Variants in NSUN4 observed in about 807,000 individuals in gnomAD.
The protein encoded by NSUN4 is NOP2/Sun RNA methyltransferase 4.
NSUN4 carries 31 observed loss-of-function variants against 43.8 expected under a neutral mutation model. The ratio of observed to expected loss-of-function variants is 0.71; its 90% CI spans 0.53 to 0.96. NSUN4 has a LOEUF of 0.96. Ranked by LOEUF, NSUN4 falls within the 40% of genes least tolerant of loss-of-function variation. The probability of loss-of-function intolerance (pLI) is 0.00; values close to 1 mark genes in which losing one functional copy is unlikely to be tolerated. For synonymous variants in NSUN4, 167 were observed against 184.1 expected, an observed-to-expected ratio of 0.91 and a Z score of 0.75; for missense variants, 439 against 475.6, an observed-to-expected ratio of 0.92 and a Z score of 0.72.
chr1:46,370,256 C>T, the NSUN4 span, among the ~76,000 whole-genome samples: 1 of 152,192 alleles, frequency 6.6e-6, no homozygotes, highest in African/African-American at 2.4e-5. Context: ...TTTGAGTATC[C>T]CCAGGGGCAG....
At position 46,361,879 on chromosome 1, in the gene NSUN4, G is replaced by GGTGGTTT; in HGVS notation, c.*35_*36insGGTTTGT. On this transcript the variant is annotated 3_prime_UTR_variant, in exon 6 of 6. Coordinates refer to ENST00000474844, the MANE Select transcript of NSUN4 (RefSeq NM_199044.4). ...CAATCCCTGAAGCAAGAATACAAAG[G>GGTGGTTT]GTATACTCTGTTGGATGCACCAGAA... 3 of 1,583,956 alleles carry GGTGGTTT rather than the reference G, an allele frequency of 1.9e-6. No homozygotes were observed. Among genetic ancestry groups the GGTGGTTT allele is most frequent in the Non-Finnish European group, 2.6e-6 (3 of 1,162,464 alleles).
At chr1:46,347,856 TTTC>T (rs2148375608) in intron 3 of NSUN4, among the ~76,000 whole-genome samples, 1 of 134,504 alleles carries the variant, frequency 7.4e-6, no homozygotes, top group South Asian at 2.6e-4. Flanking sequence ...TCCTTTTGAC[TTTC>T]TTTTTTTTTT....
chr1:46,356,677 C>T (rs547426693), intron 4 of NSUN4, among the ~76,000 whole-genome samples: 8 of 148,622 alleles, frequency 5.4e-5, no homozygotes, highest in African/African-American at 1.7e-4. Context: ...TGGGAGACAG[C>T]GAGATTCCGT....
chr1:46,378,205 T>C, the NSUN4 span, among the ~76,000 whole-genome samples: 1 of 149,728 alleles, frequency 6.7e-6, no homozygotes, highest in Non-Finnish European at 1.5e-5. Flanking sequence ...GCAGAGATTT[T>C]TTTTTTTTTT....
intron 3 of NSUN4, among the ~76,000 whole-genome samples, chr1:46,349,429 C>T (rs1037539712): frequency 3.9e-5 from 6 of 152,200 alleles, no homozygotes; most frequent in African/African-American, 7.2e-5. Flanking sequence ...CGTGAGCCAC[C>T]GCGCCTGGCG....
intron 4 of NSUN4, among the ~76,000 whole-genome samples, chr1:46,357,359 T>A (rs980271457): frequency 6.6e-6 from 1 of 152,204 alleles, no homozygotes; most frequent in Non-Finnish European, 1.5e-5. Context: ...TTTTTGGTAT[T>A]TTTTGTGGAG....
At chr1:46,366,989 G>A (rs1051869973), downstream of NSUN4, among the ~76,000 whole-genome samples, 4 of 152,128 alleles carry the variant, frequency 2.6e-5, no homozygotes, top group South Asian at 8.3e-4. Context: ...ACTGGTAAAA[G>A]CTTTGGCCGT....
At chr1:46,342,058 C>T (rs1272651784) in intron 1 of NSUN4, 3 of 827,204 alleles carry the variant, frequency 3.6e-6, no homozygotes, top group Non-Finnish European at 4.9e-6. Context: ...CATAGGACCC[C>T]GGGAACTTGC....
the NSUN4 span, among the ~76,000 whole-genome samples, chr1:46,380,016 C>T: frequency 1.3e-5 from 2 of 152,154 alleles, no homozygotes; most frequent in Non-Finnish European, 2.9e-5. Context: ...TTCCTTAGAG[C>T]TGGACTGCAT....
chr1:46,384,747 G>A, the NSUN4 span, among the ~76,000 whole-genome samples: 1 of 152,102 alleles, frequency 6.6e-6, no homozygotes, highest in Non-Finnish European at 1.5e-5. Context: ...CCTTTCCGCT[G>A]TATCAAAAGC....
At chr1:46,360,245 AAAAAATATATATAT>A (rs1363798326) in intron 4 of NSUN4, among the ~76,000 whole-genome samples, 4 of 45,610 alleles carry the variant, frequency 8.8e-5, no homozygotes, top group Non-Finnish European at 1.5e-4. Context: ...AAAAAAAAAA[AAAAAATATATATAT>A]ATATATATAT....
intron 3 of NSUN4, among the ~76,000 whole-genome samples, chr1:46,347,622 A>C (rs1328312285): frequency 6.6e-6 from 1 of 152,208 alleles, no homozygotes; most frequent in Non-Finnish European, 1.5e-5. Context: ...TCAGTTGATC[A>C]CATGATACAC....
At chr1:46,353,270 T>G (rs538539610) in intron 4 of NSUN4, among the ~76,000 whole-genome samples, 3 of 152,250 alleles carry the variant, frequency 2.0e-5, no homozygotes, top group African/African-American at 7.2e-5. Flanking sequence ...AGGGGAAAAA[T>G]TTACTAGGCT....
chr1:46,376,637 G>T, the NSUN4 span, among the ~76,000 whole-genome samples: 2 of 151,888 alleles, frequency 1.3e-5, no homozygotes, highest in African/African-American at 4.8e-5. Context: ...TTAAATGAAA[G>T]GATAGAATAG....
the NSUN4 span, among the ~76,000 whole-genome samples, chr1:46,384,885 C>G: frequency 0.022 from 3,413 of 152,136 alleles, 142 homozygotes; most frequent in African/African-American, 0.078. Flanking sequence ...CAAAGGTGGC[C>G]CCTGTGCTAA....
the NSUN4 span, among the ~76,000 whole-genome samples, chr1:46,372,299 C>A: frequency 6.6e-5 from 10 of 151,878 alleles, no homozygotes; most frequent in African/African-American, 2.2e-4. Flanking sequence ...CACCACCACG[C>A]CCGGCTGGTT....
chr1:46,347,859 C>CTTTTTTTT (rs112974748), intron 3 of NSUN4, among the ~76,000 whole-genome samples: 3 of 143,162 alleles, frequency 2.1e-5, no homozygotes, highest in Non-Finnish European at 4.6e-5. Flanking sequence ...TTTTGACTTT[C>CTTTTTTTT]TTTTTTTTTT....
At chr1:46,348,191 G>C (rs1017152872) in intron 3 of NSUN4, among the ~76,000 whole-genome samples, 1 of 151,998 alleles carries the variant, frequency 6.6e-6, no homozygotes, top group Non-Finnish European at 1.5e-5. Context: ...CTTGTGTCAA[G>C]TACTCACTTC....
rs1569774136 is a variant in NSUN4, at chr1:46,362,183, G to A, written c.*337G>A. Reference sequence around the variant, plus strand: ...GAAGCATTTGGCCAATAAAGTTGTTGAAACTCTATAGACCTGGGGCTGCAG... The same window carrying A: ...GAAGCATTTGGCCAATAAAGTTGTTAAAACTCTATAGACCTGGGGCTGCAG... On this transcript the variant is annotated 3_prime_UTR_variant, in exon 6 of 6. Coordinates refer to ENST00000474844, the MANE Select transcript of NSUN4 (RefSeq NM_199044.4). The A allele has an allele frequency of 6.4e-6, 2 of 311,180 alleles. No individual in the cohort carries two copies. Among genetic ancestry groups the A allele is most frequent in the South Asian group, 8.1e-5 (2 of 24,690 alleles). The allele number at this position is 311,180 out of a possible 1,614,324, so 19.3% of individuals were successfully genotyped here.
Sources: allele counts gnomAD v4.1 joint callset (sites outside exome capture counted in the v4.1 genomes callset), GRCh38; gene constraint gnomAD v4.1.1; transcripts MANE v1.5; gene names NCBI Gene and HGNC (gene_info 2026-07-23, HGNC 2026-07-21).